The following CUL3 variants were observed in gnomAD, a reference collection of about 807,000 sequenced individuals.
The protein encoded by CUL3 is cullin-3.
Under a neutral mutation model 89.1 loss-of-function variants are expected in CUL3, and 19 were observed. The ratio of observed to expected loss-of-function variants is 0.21; its 90% CI spans 0.15 to 0.31. The LOEUF is 0.31. Ranked by LOEUF, CUL3 falls within the 10% of genes least tolerant of loss-of-function variation. The pLI is 1.00. For synonymous variants in CUL3, 351 were observed against 308.4 expected, an observed-to-expected ratio of 1.14 and a Z score of -1.45; for missense variants, 469 against 942.3, an observed-to-expected ratio of 0.50 and a Z score of 6.58.
At chr2:224,528,611 C>T (rs563875349) in intron 3 of CUL3, among the ~76,000 whole-genome samples, 3 of 152,136 alleles carry the variant, frequency 2.0e-5, no homozygotes, top group Non-Finnish European at 4.4e-5. Flanking sequence ...AACTGATGGT[C>T]CTACCTTCTA....
At position 224,557,746 on chromosome 2, in the gene CUL3, T is replaced by C; in HGVS notation, c.177A>G (p.Arg59=). The C allele has an allele frequency of 6.2e-7, 1 of 1,610,950 alleles. No individual in the cohort carries two copies. Residue 59 remains arginine, a synonymous_variant, in exon 2 of 16, where the codon AGA becomes AGG. Coordinates refer to ENST00000264414, the MANE Select transcript of CUL3 (RefSeq NM_003590.5). ...NSGLSFEELY[R]NAYTMVLHKH... ...TATGCAAAACCATTGTATATGCATT[T>C]CTATAGAGCTCCTCAAAACTAAGAC...
intron 3 of CUL3, among the ~76,000 whole-genome samples, chr2:224,520,254 T>C (rs920446898): frequency 2.0e-5 from 3 of 151,686 alleles, no homozygotes; most frequent in East Asian, 1.9e-4. Flanking sequence ...CTCTCAAGGG[T>C]TGCTATTCCT....
rs2106203208 is a variant in CUL3 at position 224,506,037 on chromosome 2, C to T, written c.1125G>A (p.Glu375=). The T allele has an allele frequency of 1.9e-6, 3 of 1,612,448 alleles. No individual in the cohort carries two copies. Among genetic ancestry groups the T allele is most frequent in the South Asian group, 1.1e-5 (1 of 90,818 alleles). Residue 375 remains glutamate (E), a synonymous_variant, in exon 8 of 16, where the codon GAG becomes GAA. Coordinates refer to ENST00000264414, the MANE Select transcript of CUL3 (RefSeq NM_003590.5). ...LFKQTIAGDF[E]YFLNLNSRSP... is the part of the protein sequence containing the mutation. ...ACCTGGAGTTGAGGTTGAGAAAATA[C>T]TCAAAGTCACCCGCAATAGTTTGTT...
At position 224,471,500 on chromosome 2, in the gene CUL3, ACAT is replaced by A. The variant is rs1691129254; in HGVS notation, c.*2742_*2744del. ...CTACCCAACATATCCGGTGAACAAAACATCAACAGTGCTTCACTATGAGAAGGA... is the reference window on the plus strand; with the variant it reads ...CTACCCAACATATCCGGTGAACAAAACAACAGTGCTTCACTATGAGAAGGA... On this transcript the variant is annotated 3_prime_UTR_variant, in exon 16 of 16. Coordinates refer to ENST00000264414, the MANE Select transcript of CUL3 (RefSeq NM_003590.5). The A allele has an allele frequency of 1.0e-5, 2 of 194,080 alleles. No homozygotes were observed. Among genetic ancestry groups the A allele is most frequent in the Admixed American group, 1.2e-4 (2 of 16,404 alleles). 12.0% of individuals were successfully genotyped at this position (194,080 alleles called of 1,614,324 possible). A position where few individuals can be genotyped will look rare whatever the true frequency, so the allele number is the denominator to read the frequency against.
Position 224,472,200 on chromosome 2 carries a change from A to G in CUL3, c.*2045T>C, listed in dbSNP as rs1574602578. ...AACCTGTGCTCCAAAGTTAACAAGTATGTCTCTAAACTCTAGATCTGATTT... is the reference window on the plus strand; with the variant it reads ...AACCTGTGCTCCAAAGTTAACAAGTGTGTCTCTAAACTCTAGATCTGATTT... On this transcript the variant is annotated 3_prime_UTR_variant, in exon 16 of 16. Coordinates refer to ENST00000264414, the MANE Select transcript of CUL3 (RefSeq NM_003590.5). The G allele has an allele frequency of 4.5e-6, 1 of 224,628 alleles. No homozygotes were observed. The highest frequency in any genetic ancestry group is 5.7e-5 in the Admixed American group (1 of 17,508). 13.9% of individuals were successfully genotyped at this position (224,628 alleles called of 1,614,324 possible).
chr2:224,471,065 C>A lies in CUL3; in HGVS notation c.*3180G>T, dbSNP rs1004457219. On this transcript the variant is annotated 3_prime_UTR_variant, in exon 16 of 16. Coordinates refer to ENST00000264414, the MANE Select transcript of CUL3 (RefSeq NM_003590.5). ...AATAGTATCTGGCATATGATAAGCA[C>A]TTAAATGTTAACATTTCTAATTATT... is the stretch of plus-strand genomic sequence containing the variant. The A allele has an allele frequency of 2.3e-4, 51 of 224,102 alleles. No homozygotes were observed. Among genetic ancestry groups the A allele is most frequent in the Admixed American group, 8.0e-4 (14 of 17,442 alleles). The allele number at this position is 224,102 out of a possible 1,614,324, so 13.9% of individuals were successfully genotyped here. A position where few individuals can be genotyped will look rare whatever the true frequency, so the allele number is the denominator to read the frequency against.
At position 224,473,978 on chromosome 2, in the gene CUL3, C is replaced by T. The variant is rs113271056; in HGVS notation, c.*267G>A. 3 of 290,194 alleles carry T rather than the reference C, an allele frequency of 1.0e-5. No individual in the cohort carries two copies. Among genetic ancestry groups the T allele is most frequent in the Non-Finnish European group, 1.9e-5 (3 of 155,378 alleles). The allele number at this position is 290,194 out of a possible 1,614,324, so 18.0% of individuals were successfully genotyped here. A position where few individuals can be genotyped will look rare whatever the true frequency, so the allele number is the denominator to read the frequency against. ...TCTCTTTTATTTTCCTGTTTTCATACAGTAAAGAAAACAAAACGCAGCACA... is the reference window on the plus strand; with the variant it reads ...TCTCTTTTATTTTCCTGTTTTCATATAGTAAAGAAAACAAAACGCAGCACA... On this transcript the variant is annotated 3_prime_UTR_variant, in exon 16 of 16. Transcript: ENST00000264414.
chr2:224,515,351 A>G (rs13019746), intron 3 of CUL3, among the ~76,000 whole-genome samples: 28,100 of 152,170 alleles, frequency 0.18, 2,943 homozygotes, highest in South Asian at 0.27. Flanking sequence ...TCAGTTTATA[A>G]AGCACAGATA....
intron 8 of CUL3, among the ~76,000 whole-genome samples, chr2:224,504,671 C>T (rs1461214740): frequency 1.3e-5 from 2 of 152,150 alleles, no homozygotes; most frequent in Non-Finnish European, 2.9e-5. Flanking sequence ...ATTTGAAAAA[C>T]GGAAGACCAA....
intron 2 of CUL3, among the ~76,000 whole-genome samples, chr2:224,551,506 ATT>A (rs374647901): frequency 7.9e-5 from 11 of 139,588 alleles, no homozygotes; most frequent in Admixed American, 1.4e-4. Flanking sequence ...CGCCTGGTCA[ATT>A]TTTTTTTTTT....
intron 3 of CUL3, among the ~76,000 whole-genome samples, chr2:224,522,018 T>G (rs1693284535): frequency 6.6e-6 from 1 of 151,644 alleles, no homozygotes; most frequent in African/African-American, 2.4e-5. Context: ...AAATACTTAT[T>G]CTGCTAGTAA....
Position 224,513,635 on chromosome 2 carries a change from G to A in CUL3, c.543C>T (p.Gly181=), listed in dbSNP as rs17480168. 64 of 1,572,620 alleles carry A rather than the reference G, an allele frequency of 4.1e-5. No individual in the cohort carries two copies. Among genetic ancestry groups the A allele is most frequent in the African/African-American group, 2.1e-4 (15 of 71,868 alleles). The change falls in exon 5 of 16, where the codon GGC becomes GGT. Residue 181 remains glycine (G), a synonymous_variant. Transcript: ENST00000264414. Reference sequence around the variant, plus strand: ...ACATCTGGCAAGCATTTCTTATTGCGCCTCTGTCGAAAAAAGTTATTATCA... The same window carrying A: ...ACATCTGGCAAGCATTTCTTATTGCACCTCTGTCGAAAAAAGTTATTATCA... ...RERKGEVVDR[G]AIRNACQMLM... is the part of the protein sequence containing the mutation.
chr2:224,527,900 T>A (rs547167719), intron 3 of CUL3, among the ~76,000 whole-genome samples: 2 of 152,304 alleles, frequency 1.3e-5, no homozygotes, highest in African/African-American at 4.8e-5. Context: ...GAAAATTCTA[T>A]CAGTGGGTTT....
intron 2 of CUL3, among the ~76,000 whole-genome samples, chr2:224,552,026 C>A (rs1694533304): frequency 6.6e-6 from 1 of 152,166 alleles, no homozygotes; most frequent in Non-Finnish European, 1.5e-5. Context: ...CTATCTGTTT[C>A]ATAAGTGCAG....
At chr2:224,495,622 T>G (rs1322621931) in intron 13 of CUL3, 3 of 389,740 alleles carry the variant, frequency 7.7e-6, no homozygotes, top group Non-Finnish European at 1.4e-5. Context: ...AGGTATGTTT[T>G]ATATAAAAGT....
chr2:224,518,971 G>A (rs2131813), intron 3 of CUL3, among the ~76,000 whole-genome samples: 3 of 152,202 alleles, frequency 2.0e-5, no homozygotes, highest in Admixed American at 1.3e-4. Context: ...AGTCAGAACT[G>A]ATGAATTCTT....
chr2:224,526,360 T>C (rs1452915739), intron 3 of CUL3, among the ~76,000 whole-genome samples: 2 of 151,956 alleles, frequency 1.3e-5, no homozygotes, highest in African/African-American at 2.4e-5. Flanking sequence ...CCAAGGCAGG[T>C]GGATCACCTG....
rs3215058 is a variant in CUL3 at position 224,513,784 on chromosome 2, CG to C, written c.540-147del. ...TCTCCAATAGGCCACTCATGTAAAA[CG>C]AAAGGATTTAGCCTAATTTTAAGTT... is the stretch of plus-strand genomic sequence containing the variant. On this transcript the variant is annotated intron_variant, in intron 4 of 15. Coordinates refer to ENST00000264414, the MANE Select transcript of CUL3 (RefSeq NM_003590.5). The C allele has an allele frequency of 0.16, 91,794 of 566,916 alleles. 8,725 individuals are homozygous for C. The highest frequency in any genetic ancestry group is 0.29 in the East Asian group (9,299 of 31,964). The allele number at this position is 566,916 out of a possible 1,614,324, so 35.1% of individuals were successfully genotyped here.
chr2:224,563,100 T>C (rs1694953731), intron 1 of CUL3: 3 of 379,108 alleles, frequency 7.9e-6, no homozygotes, highest in African/African-American at 2.1e-5. Flanking sequence ...ATCAAATAAA[T>C]GTCAGAAAGA....
Sources: allele counts gnomAD v4.1 joint callset (sites outside exome capture counted in the v4.1 genomes callset), GRCh38; gene constraint gnomAD v4.1.1; transcripts MANE v1.5; gene names NCBI Gene and HGNC (gene_info 2026-07-23, HGNC 2026-07-21).